Variants in LRP6 observed in about 807,000 individuals in gnomAD.
LRP6 encodes LDL receptor related protein 6.
A neutral mutation model predicts 184.1 loss-of-function variants in LRP6; 43 were observed. The observed-to-expected ratio is 0.23, with a 90% CI of 0.18 to 0.30. The LOEUF (loss-of-function observed/expected upper bound fraction) is 0.30. Ranked by LOEUF, LRP6 falls within the 10% of genes least tolerant of loss-of-function variation. The pLI is 1.00. For missense variants in LRP6, 1,571 were observed against 2,005.3 expected (o/e 0.78, Z 4.14); for synonymous variants, 719 against 684.9 (o/e 1.05, Z -0.78).
chr12:12,189,736 G>C (rs1591929374), intron 3 of LRP6, among the ~76,000 whole-genome samples: 1 of 152,018 alleles, frequency 6.6e-6, no homozygotes, highest in East Asian at 1.9e-4. Context: ...CCTGACCTCA[G>C]GTGATCTGCC....
intron 13 of LRP6, among the ~76,000 whole-genome samples, 153 bp from the exon 14 acceptor site, chr12:12,149,306 G>T (rs1950049869): frequency 6.6e-6 from 1 of 152,042 alleles, no homozygotes; most frequent in Non-Finnish European, 1.5e-5. Context: ...TTTTTTATGG[G>T]TAATGTGCTT....
At position 12,121,485 on chromosome 12, in the gene LRP6, G is replaced by A. The variant is rs1591857463; in HGVS notation, c.4548-65C>T. 7.6e-6 allele frequency: 11 copies of A among 1,453,882 alleles called. No individual in the cohort carries two copies. In the East Asian group the frequency reaches 2.0e-4, roughly 27 times the overall value. The allele number at this position is 1,453,882 out of a possible 1,614,324, so 90.1% of individuals were successfully genotyped here. ...CAAAAAAAAATGATTTCCCCTCTCA[G>A]AATAGAGGTATTAGATGTCAACTAC... On this transcript the variant is annotated intron_variant, in intron 22 of 22. Transcript: ENST00000261349.
intron 2 of LRP6, among the ~76,000 whole-genome samples, chr12:12,229,386 AAGAAGAAG>A (rs1277533376): frequency 9.5e-5 from 5 of 52,906 alleles, no homozygotes; most frequent in East Asian, 2.0e-3. Flanking sequence ...AAAAAAAAAA[AAGAAGAAG>A]AAGAAGAATA....
intron 16 of LRP6, among the ~76,000 whole-genome samples, chr12:12,135,813 T>C (rs1949830158): frequency 6.6e-6 from 1 of 152,064 alleles, no homozygotes; most frequent in Admixed American, 6.6e-5. Flanking sequence ...TATATTTATA[T>C]ATAAAATATT....
chr12:12,245,991 ATAAACTT>A (rs1358332866), intron 1 of LRP6, among the ~76,000 whole-genome samples: 1 of 141,490 alleles, frequency 7.1e-6, no homozygotes, highest in East Asian at 2.1e-4. Flanking sequence ...TTAATTTTAT[ATAAACTT>A]TTTTTTTTTT....
At chr12:12,188,124 C>A (rs911620191) in intron 3 of LRP6, among the ~76,000 whole-genome samples, 1 of 150,872 alleles carries the variant, frequency 6.6e-6, no homozygotes, top group African/African-American at 2.4e-5. Flanking sequence ...AGGCAGAGAA[C>A]TGCTTGAATC....
At chr12:12,131,425 T>C (rs556009820) in intron 18 of LRP6, among the ~76,000 whole-genome samples, 2 of 152,154 alleles carry the variant, frequency 1.3e-5, no homozygotes. Context: ...TACATTAAAT[T>C]CCCTCTTTCA....
intron 3 of LRP6, among the ~76,000 whole-genome samples, chr12:12,192,198 T>C (rs1863636813): frequency 6.6e-6 from 1 of 152,042 alleles, no homozygotes; most frequent in Non-Finnish European, 1.5e-5. Flanking sequence ...TATGTACTTT[T>C]CATAATTAAG....
chr12:12,260,408 T>C (rs537952333), intron 1 of LRP6, among the ~76,000 whole-genome samples: 1 of 151,342 alleles, frequency 6.6e-6, no homozygotes, highest in African/African-American at 2.4e-5. Flanking sequence ...AAATTTAGTG[T>C]CATTCCGTTT....
intron 10 of LRP6, 102 bp from the exon 11 acceptor site, chr12:12,160,066 C>G (rs912735418): frequency 3.5e-6 from 3 of 850,980 alleles, no homozygotes; most frequent in African/African-American, 1.7e-5. Flanking sequence ...AGAAAACATA[C>G]AGCAAATCAA....
chr12:12,125,152 TG>T lies in LRP6; in HGVS notation c.4449+143del. The T allele has an allele frequency of 4.9e-6, 4 of 809,512 alleles. No homozygotes were observed. The Admixed American group carries it at 6.0e-5, about 12-fold the overall frequency. 50.1% of individuals were successfully genotyped at this position (809,512 alleles called of 1,614,324 possible). On this transcript the variant is annotated intron_variant, in intron 21 of 22. Coordinates refer to ENST00000261349, the MANE Select transcript of LRP6 (RefSeq NM_002336.3). ...ATTTATAAGCATGGATGGTGGTGTG[TG>T]GTAAGTCCTTTGAGCCTTTTATGCC... is the stretch of plus-strand genomic sequence containing the variant.
chr12:12,123,127 T>G (rs1949626200), intron 22 of LRP6, among the ~76,000 whole-genome samples: 1 of 152,238 alleles, frequency 6.6e-6, no homozygotes, highest in South Asian at 2.1e-4. Flanking sequence ...ATGTAAGTTT[T>G]GACTCAGAGG....
At chr12:12,249,732 G>T (rs972028946) in intron 1 of LRP6, among the ~76,000 whole-genome samples, 1 of 134,770 alleles carries the variant, frequency 7.4e-6, no homozygotes, top group African/African-American at 2.8e-5. Flanking sequence ...AGGAAGGAAG[G>T]AAATAAATTA....
chr12:12,181,638 T>C (rs1044754842), intron 5 of LRP6, among the ~76,000 whole-genome samples, 199 bp from the exon 6 acceptor site: 3 of 152,250 alleles, frequency 2.0e-5, no homozygotes, highest in Non-Finnish European at 2.9e-5. Flanking sequence ...AGCTGTTTAA[T>C]GGCTAACTCT....
chr12:12,223,192 A>AAT (rs1264592605), intron 2 of LRP6, among the ~76,000 whole-genome samples: 1 of 151,770 alleles, frequency 6.6e-6, no homozygotes, highest in Non-Finnish European at 1.5e-5. Context: ...AAAAAAAAAA[A>AAT]AAACCAGGAC....
chr12:12,206,589 C>A (rs1191596018), intron 2 of LRP6, among the ~76,000 whole-genome samples: 18 of 146,174 alleles, frequency 1.2e-4, no homozygotes, highest in African/African-American at 4.3e-4. Context: ...CTGAGAACAA[C>A]ACAAAGGCAC....
rs1285030870 is a variant in LRP6 at position 12,181,269 on chromosome 12, C to A, written c.1147G>T (p.Ala383Ser). The change falls in exon 6 of 23, where the codon GCC becomes TCC. Residue 383 changes from alanine to serine, a missense_variant. This residue lies in a region of LRP6 where 640 missense variants were observed against 851.9 expected (regional missense o/e 0.75). Transcript: ENST00000261349. ...CCATCTATAAATGAACGGCGTATGG[C>A]CCTCACTTCATCATCAGTCCAGTAG... is the stretch of plus-strand genomic sequence containing the variant. ...YIYWTDDEVR[A>S]IRRSFIDGSG... The A allele has an allele frequency of 1.9e-6, 3 of 1,614,050 alleles. No homozygotes were observed. The highest frequency in any genetic ancestry group is 8.5e-7 in the Non-Finnish European group (1 of 1,180,012).
At chr12:12,219,722 C>T (rs1472635473) in intron 2 of LRP6, among the ~76,000 whole-genome samples, 1 of 152,186 alleles carries the variant, frequency 6.6e-6, no homozygotes, top group African/African-American at 2.4e-5. Context: ...GAATTCTTCA[C>T]TTTATAAGGC....
At chr12:12,156,986 A>T (rs1341926299) in intron 12 of LRP6, among the ~76,000 whole-genome samples, 2 of 152,190 alleles carry the variant, frequency 1.3e-5, no homozygotes, top group Non-Finnish European at 2.9e-5. Context: ...TTTAAAATGT[A>T]TTGCCTGAGG....
Sources: gnomAD v4.1 joint callset for allele counts (sites outside exome capture counted in the v4.1 genomes callset) on GRCh38, gnomAD v4.1.1 for gene constraint, gnomAD v4.1.1 regional missense constraint, MANE v1.5 for transcripts, NCBI Gene and HGNC (gene_info 2026-07-23, HGNC 2026-07-21) for gene names.